Variants in GEMIN5 observed in about 807,000 individuals in gnomAD.
GEMIN5 encodes the protein gem-associated protein 5.
Under a neutral mutation model 176.9 loss-of-function variants are expected in GEMIN5, and 124 were observed. The ratio of observed to expected loss-of-function variants is 0.70; its 90% confidence interval spans 0.61 to 0.81. The LOEUF is 0.81. GEMIN5 is among the 40% of genes least tolerant of loss of function. The pLI, the probability that GEMIN5 is intolerant of heterozygous loss-of-function variation, is 0.00. For missense variants in GEMIN5, 1,843 were observed against 1,814.6 expected, an observed-to-expected ratio of 1.02 and a Z score of -0.28; for synonymous variants, 673 against 665.2, an observed-to-expected ratio of 1.01 and a Z score of -0.18.
Position 154,938,074 on chromosome 5 carries a change from G to T in GEMIN5, c.60C>A (p.Ser20Arg). ...CAAAGAGGCCCCCGGGCACGGCATCGCTGCAGCGGGCGCAGTACCAGTTGG... is the reference window on the plus strand; with the variant it reads ...CAAAGAGGCCCCCGGGCACGGCATCTCTGCAGCGGGCGCAGTACCAGTTGG... Reference protein sequence around the residue: ...PSPNWYCARCSDAVPGGLFGF... With the variant: ...PSPNWYCARCRDAVPGGLFGF... Residue 20 changes from serine to arginine, a missense_variant, in exon 1 of 28, where the codon AGC becomes AGA. By Grantham distance (110) the Ser-to-Arg change is moderately radical. Transcript: ENST00000285873. 1 of 1,516,498 alleles carries T rather than the reference G, an allele frequency of 6.6e-7. No homozygotes were observed. The highest frequency in any genetic ancestry group is 8.8e-7 in the Non-Finnish European group (1 of 1,136,166). 93.9% of individuals were successfully genotyped at this position (1,516,498 alleles called of 1,614,324 possible). A position where few individuals can be genotyped will look rare whatever the true frequency, so the allele number is the denominator to read the frequency against.
chr5:154,892,243 T>C, intron 25 of GEMIN5, 144 bp downstream of exon 25: 1 of 680,920 alleles, frequency 1.5e-6, no homozygotes, highest in Non-Finnish European at 2.5e-6. Context: ...AAAGCTTCGG[T>C]AAGAGAATCC....
In GEMIN5 at chr5:154,891,700, G is replaced by A. The variant is rs1357761609; in HGVS notation, c.3803C>T (p.Pro1268Leu). 5 of 1,608,314 alleles carry A rather than the reference G, an allele frequency of 3.1e-6. No individual in the cohort carries two copies. In the Admixed American group the frequency reaches 8.6e-5, roughly 28 times the overall value. ...LRDKLGDHQS[P>L]ATPAFKSLEA... ...CAAACTTTTGAAAGCTGGTGTGGCAGGGGATTGATGGTCCCCCAACTTGTC... is the reference window on the plus strand; with the variant it reads ...CAAACTTTTGAAAGCTGGTGTGGCAAGGGATTGATGGTCCCCCAACTTGTC... The change falls in exon 26 of 28, where the codon CCT becomes CTT. Residue 1268 changes from proline to leucine, a missense_variant. Physicochemically the swap from Pro to Leu is moderately conservative, Grantham distance 98. Transcript: ENST00000285873.
Position 154,921,741 on chromosome 5 carries a change from T to G in GEMIN5, c.1380-316A>C, listed in dbSNP as rs116106895. On this transcript the variant is annotated intron_variant, in intron 9 of 27. Coordinates refer to ENST00000285873, the MANE Select transcript of GEMIN5 (RefSeq NM_015465.5). ...AGAACATATATTATCACCACCCAAA[T>G]GTATTCACTTTACGGTCATGTAAAA... Among the ~76,000 whole-genome samples the G allele has an allele frequency of 5.2e-3, 796 of 152,334 alleles. 5 individuals carry two copies. Among genetic ancestry groups the G allele is most frequent in the Non-Finnish European group, 9.1e-3 (616 of 68,024 alleles).
intron 3 of GEMIN5, among the ~76,000 whole-genome samples, chr5:154,934,581 G>C (rs1436130025): frequency 6.6e-6 from 1 of 152,052 alleles, no homozygotes; most frequent in African/African-American, 2.4e-5. Context: ...CAAAGTGTTG[G>C]GATTACAGGT....
chr5:154,896,372 T>C (rs758733548), intron 23 of GEMIN5, 29 bp from the exon 24 acceptor site: 60 of 1,533,538 alleles, frequency 3.9e-5, no homozygotes, highest in Non-Finnish European at 4.9e-5. Context: ...GAAGAGGAAC[T>C]GTTATACAGG....
rs891981128 is a variant in GEMIN5, at chr5:154,887,944, A to AAC, written c.*264_*265dup. 2 of 416,696 alleles carry AAC rather than the reference A, an allele frequency of 4.8e-6. No homozygotes were observed. Among genetic ancestry groups the AAC allele is most frequent in the Admixed American group, 8.2e-5 (2 of 24,280 alleles). The allele number at this position is 416,696 out of a possible 1,614,324, so 25.8% of individuals were successfully genotyped here. ...CCTGCCTAAGGCTGTAGAGATGACCAACACTCTGCAGGTGTTAGTTCTGAA... is the reference window on the plus strand; with the variant it reads ...CCTGCCTAAGGCTGTAGAGATGACCAACACACTCTGCAGGTGTTAGTTCTGAA... On this transcript the variant is annotated 3_prime_UTR_variant, in exon 28 of 28. Transcript: ENST00000285873.
In GEMIN5 at chr5:154,898,786, T is replaced by G; in HGVS notation, c.3135-136A>C. ...GGTCCCAGGTATGTCACTGCCCCGG[T>G]TGTTCCTGTGAAGGCTGAGGCCAAC... On this transcript the variant is annotated intron_variant, in intron 22 of 27. Transcript: ENST00000285873. 4.1e-6 allele frequency: 3 copies of G among 729,168 alleles called. No individual in the cohort carries two copies. The South Asian group carries it at 5.2e-5, about 13-fold the overall frequency. The allele number at this position is 729,168 out of a possible 1,614,324, so 45.2% of individuals were successfully genotyped here.
intron 7 of GEMIN5, among the ~76,000 whole-genome samples, chr5:154,926,920 C>A (rs1197795936): frequency 6.6e-6 from 1 of 152,108 alleles, no homozygotes; most frequent in Non-Finnish European, 1.5e-5. Flanking sequence ...GTAGGTGATA[C>A]ACGCCTGTAG....
chr5:154,932,293 A>C, intron 3 of GEMIN5, 43 bp from the exon 4 acceptor site: 1 of 1,439,714 alleles, frequency 6.9e-7, no homozygotes, highest in Non-Finnish European at 9.7e-7. Context: ...AAATGAAGAC[A>C]GAACAGAGTC....
At chr5:154,895,049 A>ATCTTGTT (rs200988055) in intron 24 of GEMIN5, among the ~76,000 whole-genome samples, 14,956 of 152,142 alleles carry the variant, frequency 0.098, 836 homozygotes, top group Admixed American at 0.15. Flanking sequence ...ACTGTACTCC[A>ATCTTGTT]GCCTGAGCAA....
chr5:154,928,497 T>A, intron 6 of GEMIN5, 30 bp downstream of exon 6: 5 of 1,610,384 alleles, frequency 3.1e-6, no homozygotes, highest in Non-Finnish European at 4.2e-6. Context: ...ACAAAATATA[T>A]CTGAGAAAGC....
At chr5:154,902,106 G>GC (rs1449582137) in intron 20 of GEMIN5, among the ~76,000 whole-genome samples, 2 of 151,550 alleles carry the variant, frequency 1.3e-5, no homozygotes, top group African/African-American at 4.9e-5. Flanking sequence ...ACCACACCCA[G>GC]CCTTTTTTTT....
At position 154,905,449 on chromosome 5, in the gene GEMIN5, G is replaced by A; in HGVS notation, c.2423C>T (p.Pro808Leu). The A allele has an allele frequency of 6.3e-7, 1 of 1,598,722 alleles. No homozygotes were observed. Among genetic ancestry groups the A allele is most frequent in the Non-Finnish European group, 8.6e-7 (1 of 1,169,044 alleles). The change falls in exon 17 of 28, where the codon CCA (proline) becomes CTA (leucine). Residue 808 changes from proline (P) to leucine (L), a missense_variant. By Grantham distance (98) the Pro-to-Leu change is moderately conservative (BLOSUM62 -3). Transcript: ENST00000285873. ...TGACTTTTCAAAGCCTGAGGAAACT[G>A]GAGTGCAGATAACTGGTTCTCTAGA... ...AVSREPVICT[P>L]VSSGFEKSKV...
At chr5:154,905,292 G>C in intron 17 of GEMIN5, 71 bp downstream of exon 17, 1 of 658,144 alleles carries the variant, frequency 1.5e-6, no homozygotes, top group East Asian at 2.8e-5. Context: ...TTTTTTGACA[G>C]TTGCGTGTAA....
chr5:154,907,496 TG>T (rs1476547933), intron 16 of GEMIN5, 94 bp downstream of exon 16: 3 of 729,014 alleles, frequency 4.1e-6, no homozygotes, highest in Middle Eastern at 2.4e-4. Flanking sequence ...GTTGGAAAAA[TG>T]GGAACAGCGA....
chr5:154,927,128 A>T (rs1034246667), intron 7 of GEMIN5, among the ~76,000 whole-genome samples: 24 of 151,978 alleles, frequency 1.6e-4, no homozygotes, highest in African/African-American at 5.6e-4. Context: ...GACAAGCTTG[A>T]CCTAATACAT....
chr5:154,896,000 G>A (rs1339732363), intron 24 of GEMIN5, 92 bp downstream of exon 24: 1 of 1,446,184 alleles, frequency 6.9e-7, no homozygotes, highest in Non-Finnish European at 9.6e-7. Flanking sequence ...ACACAGTCCA[G>A]TATTCTGCTT....
At position 154,902,587 on chromosome 5, in the gene GEMIN5, C is replaced by T; in HGVS notation, c.2818G>A (p.Ala940Thr). 1 of 1,614,076 alleles carries T rather than the reference C, an allele frequency of 6.2e-7. No individual in the cohort carries two copies. The highest frequency in any genetic ancestry group is 2.2e-5 in the East Asian group (1 of 44,892). Residue 940 changes from alanine to threonine, a missense_variant, in exon 20 of 28, where the codon GCA (alanine) becomes ACA (threonine). Physicochemically the swap from Ala to Thr is moderately conservative, Grantham distance 58 (BLOSUM62 0). Transcript: ENST00000285873. Reference protein sequence around the residue: ...GDLKGVLQTAAERGELTDNLV... With the variant: ...GDLKGVLQTATERGELTDNLV... ...TTGTCTGTCAGCTCCCCTCTTTCTG[C>T]TGCAGTCTGGAGAACACCTTTGAGA...
chr5:154,928,373 A>G (rs1764088568), intron 6 of GEMIN5, among the ~76,000 whole-genome samples, 154 bp downstream of exon 6: 1 of 152,242 alleles, frequency 6.6e-6, no homozygotes, highest in South Asian at 2.1e-4. Context: ...CAGCTCTGTT[A>G]GTAGATAGCA....
Sources: gnomAD v4.1 joint callset for allele counts (sites outside exome capture counted in the v4.1 genomes callset) on GRCh38, gnomAD v4.1.1 for gene constraint, MANE v1.5 for transcripts, NCBI Gene and HGNC (gene_info 2026-07-23, HGNC 2026-07-21) for gene names.